SLCO1B3: variants seen among roughly 807,000 people sequenced by gnomAD.
SLCO1B3 encodes solute carrier organic anion transporter family member 1B3, also known as liver-specific organic anion transporter 2.
SLCO1B3 carries 72 observed loss-of-function variants against 71.8 expected under a neutral mutation model. That is an observed-to-expected ratio of 1.00 (90% CI 0.83 to 1.22). SLCO1B3 has a LOEUF of 1.22. Ranked by LOEUF, SLCO1B3 falls within the 50% of genes most tolerant of loss-of-function variation. The pLI is 0.00. For synonymous variants in SLCO1B3, 298 were observed against 278.4 expected, an observed-to-expected ratio of 1.07 and a Z score of -0.70; for missense variants, 911 against 819.7, an observed-to-expected ratio of 1.11 and a Z score of -1.36.
chr12:20,831,914 T>C (rs182640603), intron 3 of SLCO1B3, among the ~76,000 whole-genome samples: 77 of 152,296 alleles, frequency 5.1e-4, no homozygotes, highest in Non-Finnish European at 8.8e-4. Flanking sequence ...TAGATTTTCT[T>C]CCTTACCACA....
intron 3 of SLCO1B3, among the ~76,000 whole-genome samples, chr12:20,854,666 C>A (rs563861902): frequency 1.4e-4 from 21 of 152,330 alleles, no homozygotes; most frequent in African/African-American, 5.1e-4. Context: ...ACTGCCATTC[C>A]CCTCCCAGTT....
intron 15 of SLCO1B3, among the ~76,000 whole-genome samples, chr12:20,911,086 G>A (rs971487652): frequency 6.6e-6 from 1 of 151,932 alleles, no homozygotes; most frequent in African/African-American, 2.4e-5. Flanking sequence ...AGAATTTTTG[G>A]TGTATATGTT....
At chr12:20,816,686 G>A (rs371480876) in intron 3 of SLCO1B3, among the ~76,000 whole-genome samples, 2 of 152,104 alleles carry the variant, frequency 1.3e-5, no homozygotes, top group African/African-American at 4.8e-5. Flanking sequence ...TTAGATATAC[G>A]AATTCGCTTT....
At chr12:20,863,261 G>C in intron 8 of SLCO1B3, among the ~76,000 whole-genome samples, 1 of 152,006 alleles carries the variant, frequency 6.6e-6, no homozygotes, top group East Asian at 1.9e-4. Flanking sequence ...TACGGCAGGG[G>C]TGGGTTAAGA....
chr12:20,909,332 A>ATTTTTT (rs36075263), intron 15 of SLCO1B3, among the ~76,000 whole-genome samples: 1 of 138,818 alleles, frequency 7.2e-6, no homozygotes, highest in Admixed American at 7.2e-5. Flanking sequence ...CGCCTGGCTA[A>ATTTTTT]TTTTTTTTTT....
chr12:20,811,952 G>C (rs1418655390), intron 1 of SLCO1B3, among the ~76,000 whole-genome samples: 1 of 135,198 alleles, frequency 7.4e-6, no homozygotes, highest in Non-Finnish European at 1.6e-5. Flanking sequence ...TTGTTGCCCA[G>C]GCTGGAGTGC....
chr12:20,877,271 G>A (rs1037053971), intron 9 of SLCO1B3, among the ~76,000 whole-genome samples: 1 of 151,970 alleles, frequency 6.6e-6, no homozygotes, highest in Non-Finnish European at 1.5e-5. Context: ...GTAGTGATGT[G>A]AATAGTAAAG....
chr12:20,863,621 C>T (rs1865314138), intron 8 of SLCO1B3, among the ~76,000 whole-genome samples: 1 of 152,072 alleles, frequency 6.6e-6, no homozygotes, highest in South Asian at 2.1e-4. Context: ...TCTGCCTCTC[C>T]TCCATCTGCA....
intron 3 of SLCO1B3, chr12:20,845,305 TC>T: frequency 2.3e-5 from 5 of 221,338 alleles, no homozygotes; most frequent in South Asian, 1.6e-4. Flanking sequence ...TTGACCCTGA[TC>T]AACAATGAGT....
At chr12:20,855,243 A>T in intron 4 of SLCO1B3, 74 bp downstream of exon 4, 1 of 1,284,394 alleles carries the variant, frequency 7.8e-7, no homozygotes, top group Admixed American at 2.1e-5. Flanking sequence ...CATGCTTTAT[A>T]TCACTGGGTC....
intron 9 of SLCO1B3, among the ~76,000 whole-genome samples, chr12:20,877,347 TTA>T (rs1336368196): frequency 6.6e-6 from 1 of 151,980 alleles, no homozygotes; most frequent in African/African-American, 2.4e-5. Flanking sequence ...AGAAAAAAAA[TTA>T]GATTTATTCC....
At chr12:20,815,272 A>C (rs984534110) in intron 2 of SLCO1B3, among the ~76,000 whole-genome samples, 1 of 152,124 alleles carries the variant, frequency 6.6e-6, no homozygotes, top group African/African-American at 2.4e-5. Context: ...TGTGCAAGTC[A>C]TCATTTGGCA....
intron 3 of SLCO1B3, among the ~76,000 whole-genome samples, chr12:20,844,311 A>G (rs754234661): frequency 1.3e-5 from 2 of 152,142 alleles, no homozygotes; most frequent in African/African-American, 2.4e-5. Context: ...TCCTCCGTGT[A>G]ATCCCAGCAC....
At chr12:20,862,305 G>T (rs1565593246) in intron 6 of SLCO1B3, 107 bp from the exon 7 acceptor site, 7 of 1,265,422 alleles carry the variant, frequency 5.5e-6, no homozygotes, top group Non-Finnish European at 6.6e-6. Flanking sequence ...TTGTAATTAG[G>T]AAACAAACAA....
chr12:20,853,206 T>C (rs1269031785), intron 3 of SLCO1B3, among the ~76,000 whole-genome samples: 1 of 152,118 alleles, frequency 6.6e-6, no homozygotes, highest in Non-Finnish European at 1.5e-5. Context: ...TCACCAGGAA[T>C]ATTTTTCTGT....
chr12:20,889,348 T>C (rs553375530), intron 13 of SLCO1B3, among the ~76,000 whole-genome samples: 14 of 152,152 alleles, frequency 9.2e-5, no homozygotes, highest in Admixed American at 3.9e-4. Flanking sequence ...TCAGGAGATT[T>C]TTTAATTATT....
intron 8 of SLCO1B3, among the ~76,000 whole-genome samples, chr12:20,872,735 G>C (rs150517101): frequency 6.6e-4 from 100 of 152,192 alleles, no homozygotes; most frequent in African/African-American, 2.3e-3. Context: ...TGTTGTCCAT[G>C]AGTTAGGGCC....
intron 3 of SLCO1B3, among the ~76,000 whole-genome samples, chr12:20,819,130 A>G (rs1864244930): frequency 6.6e-6 from 1 of 152,190 alleles, no homozygotes; most frequent in African/African-American, 2.4e-5. Flanking sequence ...CTAAAACAGT[A>G]AGGTCAAGTT....
chr12:20,915,248 G>A (rs2117031), intron 15 of SLCO1B3, among the ~76,000 whole-genome samples: 119,621 of 151,924 alleles, frequency 0.79, 51,436 homozygotes, highest in South Asian at 0.95. Flanking sequence ...TTCCTCAGCA[G>A]TGCTCTATCT....
Sources: gnomAD v4.1 joint callset for allele counts (sites outside exome capture counted in the v4.1 genomes callset) on GRCh38, gnomAD v4.1.1 for gene constraint, MANE v1.5 for transcripts, NCBI Gene and HGNC (gene_info 2026-07-23, HGNC 2026-07-21) for gene names.